Variants in CSMD3 observed in about 807,000 individuals in gnomAD.
CSMD3 encodes the protein CUB and sushi domain-containing protein 3.
A neutral mutation model predicts 435.2 loss-of-function variants in CSMD3; 177 were observed. The observed-to-expected ratio is 0.41, with a 90% CI of 0.36 to 0.46. CSMD3 has a LOEUF of 0.46. CSMD3 is among the 20% of genes least tolerant of loss of function. The pLI is 0.34. For synonymous variants in CSMD3, 1,656 were observed against 1,520.5 expected, an observed-to-expected ratio of 1.09 and a Z score of -2.07; for missense variants, 4,265 against 4,504.6, an observed-to-expected ratio of 0.95 and a Z score of 1.52.
chr8:112,759,110 G>A (rs1354344711), intron 13 of CSMD3, among the ~76,000 whole-genome samples: 1 of 151,988 alleles, frequency 6.6e-6, no homozygotes, highest in Non-Finnish European at 1.5e-5. Flanking sequence ...CACAAGCTTT[G>A]GTTTAATTAA....
chr8:113,253,659 G>A (rs1366758451), intron 3 of CSMD3, among the ~76,000 whole-genome samples: 1 of 151,778 alleles, frequency 6.6e-6, no homozygotes, highest in Non-Finnish European at 1.5e-5. Flanking sequence ...GGCCAACATA[G>A]TGAAACCCCG....
At chr8:112,845,619 C>A (rs2080296807) in intron 11 of CSMD3, among the ~76,000 whole-genome samples, 1 of 151,916 alleles carries the variant, frequency 6.6e-6, no homozygotes, top group Non-Finnish European at 1.5e-5. Context: ...TATGCAGAAC[C>A]ATTTAAATAT....
intron 4 of CSMD3, among the ~76,000 whole-genome samples, chr8:113,130,998 A>G (rs1039057172): frequency 6.6e-6 from 1 of 152,188 alleles, no homozygotes; most frequent in African/African-American, 2.4e-5. Flanking sequence ...ATCTGGAAGA[A>G]GAAATTTCTA....
chr8:112,986,135 A>G (rs75820902), intron 6 of CSMD3, among the ~76,000 whole-genome samples: 7,233 of 152,224 alleles, frequency 0.048, 233 homozygotes, highest in Non-Finnish European at 0.07. Flanking sequence ...AAATAAGAAT[A>G]TGGAACACTC....
chr8:112,571,466 C>A lies in CSMD3; in HGVS notation c.4042+2035G>T, dbSNP rs540631586. On this transcript the variant is annotated intron_variant, in intron 24 of 70. Coordinates refer to ENST00000297405, the MANE Select transcript of CSMD3 (RefSeq NM_198123.2). ...CCATAAAATTTCAAATATAGGTATGCCCTACAATGGCTACTATTTTGCATC... is the reference window on the plus strand; with the variant it reads ...CCATAAAATTTCAAATATAGGTATGACCTACAATGGCTACTATTTTGCATC... Among the ~76,000 whole-genome samples the A allele has an allele frequency of 6.4e-4, 98 of 152,124 alleles. 1 individual carries two copies. In the South Asian group the frequency reaches 0.02, roughly 31 times the overall value.
chr8:112,804,208 T>C (rs775217272), intron 12 of CSMD3, among the ~76,000 whole-genome samples: 17 of 152,144 alleles, frequency 1.1e-4, no homozygotes, highest in Non-Finnish European at 2.2e-4. Flanking sequence ...TCTCAGGTCC[T>C]TTGATGACTA....
chr8:112,405,198 A>AC (rs1831676806), intron 35 of CSMD3, among the ~76,000 whole-genome samples: 1 of 38,256 alleles, frequency 2.6e-5, no homozygotes, highest in Admixed American at 3.3e-4. Flanking sequence ...AAAAAAAAAA[A>AC]AAAAAAAAAA....
intron 4 of CSMD3, among the ~76,000 whole-genome samples, chr8:113,172,014 T>C (rs900903849): frequency 4.6e-5 from 7 of 152,156 alleles, no homozygotes; most frequent in African/African-American, 1.7e-4. Flanking sequence ...TACCATTTAG[T>C]ATGTTGTGCA....
At chr8:112,732,874 C>T (rs1049426031) in intron 13 of CSMD3, among the ~76,000 whole-genome samples, 1 of 151,994 alleles carries the variant, frequency 6.6e-6, no homozygotes, top group Non-Finnish European at 1.5e-5. Context: ...TTAAAAATTA[C>T]CAGTGTAACC....
chr8:112,603,525 T>G (rs1832543100), intron 22 of CSMD3, among the ~76,000 whole-genome samples: 1 of 152,238 alleles, frequency 6.6e-6, no homozygotes, highest in Non-Finnish European at 1.5e-5. Flanking sequence ...ATGGCATCTT[T>G]ATATTTATTT....
At chr8:113,119,647 GACA>G (rs2090930279) in intron 4 of CSMD3, among the ~76,000 whole-genome samples, 1 of 152,008 alleles carries the variant, frequency 6.6e-6, no homozygotes, top group Non-Finnish European at 1.5e-5. Flanking sequence ...AAGAATACAT[GACA>G]ACAATAAACA....
intron 1 of CSMD3, among the ~76,000 whole-genome samples, chr8:113,409,079 C>CTTTTTTTTTTTTTTT (rs1218107775): frequency 2.2e-4 from 22 of 99,066 alleles, no homozygotes; most frequent in South Asian, 3.9e-4. Context: ...TCTTCTTCTT[C>CTTTTTTTTTTTTTTT]TTTTTTTTTT....
chr8:113,408,022 A>G (rs1423603391), intron 1 of CSMD3, among the ~76,000 whole-genome samples: 2 of 152,172 alleles, frequency 1.3e-5, no homozygotes, highest in African/African-American at 2.4e-5. Flanking sequence ...TACTTTTTTA[A>G]ATAGTTAAAA....
intron 3 of CSMD3, among the ~76,000 whole-genome samples, chr8:113,250,483 G>A (rs763687401): frequency 6.6e-6 from 1 of 152,010 alleles, no homozygotes; most frequent in Non-Finnish European, 1.5e-5. Flanking sequence ...TGTTTTATTC[G>A]TGAAATAATA....
chr8:112,581,028 T>C (rs1225433554), intron 23 of CSMD3, among the ~76,000 whole-genome samples: 1 of 152,118 alleles, frequency 6.6e-6, no homozygotes, highest in East Asian at 1.9e-4. Context: ...ATCCAGACTC[T>C]GAAATGTATT....
chr8:112,327,107 T>C (rs1282263362), intron 45 of CSMD3, among the ~76,000 whole-genome samples: 2 of 152,208 alleles, frequency 1.3e-5, no homozygotes, highest in African/African-American at 2.4e-5. Flanking sequence ...ATAAAATCCA[T>C]GAGTTTAGCA....
At chr8:113,142,644 C>T (rs953848958) in intron 4 of CSMD3, among the ~76,000 whole-genome samples, 2 of 150,756 alleles carry the variant, frequency 1.3e-5, no homozygotes, top group Admixed American at 1.3e-4. Context: ...AATGGGTAGA[C>T]ACATATAATT....
rs141973790 is a variant in CSMD3 at position 112,883,415 on chromosome 8, T to C, written c.1634-24149A>G. Among the ~76,000 whole-genome samples the C allele has an allele frequency of 8.9e-4, 135 of 152,140 alleles. 1 individual carries two copies. The East Asian group carries it at 0.023, about 26-fold the overall frequency. On this transcript the variant is annotated intron_variant, in intron 10 of 70. Coordinates refer to ENST00000297405, the MANE Select transcript of CSMD3 (RefSeq NM_198123.2). ...GAAAACATAATTGCAAACTGATACT[T>C]GAGGGACATGATGGCAGTGAACCAT...
chr8:113,430,052 G>A (rs1485206035), intron 1 of CSMD3, among the ~76,000 whole-genome samples: 2 of 152,092 alleles, frequency 1.3e-5, no homozygotes, highest in Non-Finnish European at 2.9e-5. Flanking sequence ...TTAGCTGTGA[G>A]TCTGCCCCTT....
Sources: allele counts gnomAD v4.1 joint callset (sites outside exome capture counted in the v4.1 genomes callset), GRCh38; gene constraint gnomAD v4.1.1; transcripts MANE v1.5; gene names NCBI Gene and HGNC (gene_info 2026-07-23, HGNC 2026-07-21).